The following MYRIP variants were observed in gnomAD, a reference collection of about 807,000 sequenced individuals.
MYRIP encodes myosin VIIA and Rab interacting protein.
MYRIP carries 49 observed loss-of-function variants against 98.0 expected under a neutral mutation model. That is an observed-to-expected ratio of 0.50 (90% CI 0.40 to 0.63). The LOEUF (loss-of-function observed/expected upper bound fraction) is 0.63, where lower values mean the gene tolerates loss of function less well. MYRIP is among the 30% of genes least tolerant of loss of function. The pLI, the probability that MYRIP is intolerant of heterozygous loss-of-function variation, is 0.00. For synonymous variants in MYRIP, 404 were observed against 409.5 expected, an observed-to-expected ratio of 0.99 and a Z score of 0.16; for missense variants, 1,004 against 1,058.2, an observed-to-expected ratio of 0.95 and a Z score of 0.71.
intron 3 of MYRIP, among the ~76,000 whole-genome samples, chr3:40,064,775 A>G (rs756664412): frequency 6.6e-5 from 10 of 152,146 alleles, no homozygotes; most frequent in Non-Finnish European, 1.3e-4. Flanking sequence ...AAGTGATAAA[A>G]TGAGCTTGTG....
chr3:40,251,308 A>G (rs1034742489), intron 15 of MYRIP, among the ~76,000 whole-genome samples: 3 of 152,280 alleles, frequency 2.0e-5, no homozygotes, highest in African/African-American at 7.2e-5. Flanking sequence ...GTTAAAATTT[A>G]TCACAGATTC....
intron 2 of MYRIP, among the ~76,000 whole-genome samples, chr3:39,942,766 C>A (rs182050308): frequency 1.3e-5 from 2 of 152,154 alleles, no homozygotes; most frequent in Admixed American, 6.6e-5. Flanking sequence ...TTTCTGTCTA[C>A]CTGTATATTT....
intron 1 of MYRIP, among the ~76,000 whole-genome samples, chr3:39,883,922 A>G (rs1414961338): frequency 1.3e-5 from 2 of 152,120 alleles, no homozygotes; most frequent in Non-Finnish European, 2.9e-5. Flanking sequence ...TTCGAAGACA[A>G]GGTACCTGAG....
At chr3:39,887,277 G>C (rs1288376271) in intron 1 of MYRIP, among the ~76,000 whole-genome samples, 5 of 151,708 alleles carry the variant, frequency 3.3e-5, no homozygotes, top group South Asian at 2.1e-4. Context: ...ACAATTAAAA[G>C]AACTAGAAAA....
intron 2 of MYRIP, among the ~76,000 whole-genome samples, chr3:40,011,914 A>C (rs1286378495): frequency 2.0e-5 from 3 of 152,224 alleles, no homozygotes; most frequent in Admixed American, 2.0e-4. Context: ...CTGATTTCCA[A>C]TATGTAAAAG....
At chr3:40,058,810 T>A (rs183909506) in intron 3 of MYRIP, among the ~76,000 whole-genome samples, 268 of 152,250 alleles carry the variant, frequency 1.8e-3, no homozygotes, top group African/African-American at 6.0e-3. Flanking sequence ...ATACTTTAAG[T>A]TCTGGGATAC....
At chr3:40,178,125 T>C (rs1442784357) in intron 8 of MYRIP, among the ~76,000 whole-genome samples, 1 of 152,176 alleles carries the variant, frequency 6.6e-6, no homozygotes. Flanking sequence ...TCTTTCCCTG[T>C]TTTTTACTGT....
chr3:39,917,011 A>G (rs1944179082), intron 2 of MYRIP, among the ~76,000 whole-genome samples: 1 of 152,180 alleles, frequency 6.6e-6, no homozygotes, highest in Non-Finnish European at 1.5e-5. Flanking sequence ...CTAACCATTT[A>G]AAGCCAAAAC....
At chr3:40,003,906 C>A (rs991397467) in intron 2 of MYRIP, among the ~76,000 whole-genome samples, 1 of 152,204 alleles carries the variant, frequency 6.6e-6, no homozygotes, top group Non-Finnish European at 1.5e-5. Flanking sequence ...TCCTACACAG[C>A]AGATTCAGCC....
intron 12 of MYRIP, 59 bp downstream of exon 12, chr3:40,234,112 A>C: frequency 7.9e-6 from 12 of 1,512,790 alleles, no homozygotes; most frequent in Admixed American, 2.2e-5. Context: ...GAAGCTGATG[A>C]AATTGTAGCT....
intron 1 of MYRIP, among the ~76,000 whole-genome samples, chr3:39,862,535 CAAA>C (rs111367780): frequency 4.6e-5 from 7 of 152,062 alleles, no homozygotes; most frequent in Admixed American, 4.6e-4. Context: ...CCACTAAAGA[CAAA>C]AAAGTCAAAG....
chr3:40,250,910 G>A (rs1163920562), intron 15 of MYRIP, among the ~76,000 whole-genome samples: 4 of 152,228 alleles, frequency 2.6e-5, no homozygotes, highest in African/African-American at 9.6e-5. Context: ...CTCTGGCTGA[G>A]AGTTACTTCT....
At chr3:39,960,368 G>A (rs1049073905) in intron 2 of MYRIP, among the ~76,000 whole-genome samples, 1 of 152,114 alleles carries the variant, frequency 6.6e-6, no homozygotes, top group Admixed American at 6.6e-5. Context: ...AAAAACACAT[G>A]AGTCCTATTA....
intron 1 of MYRIP, among the ~76,000 whole-genome samples, chr3:39,820,897 T>C (rs1314760710): frequency 6.6e-6 from 1 of 152,088 alleles, no homozygotes; most frequent in East Asian, 1.9e-4. Context: ...AGGTTCCAAG[T>C]ACCTGATGCA....
chr3:40,078,071 C>T (rs912724075), intron 3 of MYRIP, among the ~76,000 whole-genome samples: 15 of 152,358 alleles, frequency 9.8e-5, no homozygotes, highest in Admixed American at 8.5e-4. Context: ...AGCCCTGCCC[C>T]GCGGGAAGGC....
intron 1 of MYRIP, among the ~76,000 whole-genome samples, chr3:39,898,052 AGTCT>A (rs1359579022): frequency 6.6e-6 from 1 of 152,094 alleles, no homozygotes; most frequent in Non-Finnish European, 1.5e-5. Context: ...TGGGCCCTCT[AGTCT>A]GTCTCTTTAT....
chr3:40,212,320 G>A (rs1213728235), intron 11 of MYRIP, among the ~76,000 whole-genome samples: 1 of 146,276 alleles, frequency 6.8e-6, no homozygotes, highest in Non-Finnish European at 1.5e-5. Context: ...AGGGTTCAGG[G>A]GCTCAGCCAC....
chr3:40,151,737 T>C (rs2125575270), intron 4 of MYRIP, among the ~76,000 whole-genome samples: 1 of 152,332 alleles, frequency 6.6e-6, no homozygotes, highest in South Asian at 2.1e-4. Flanking sequence ...GGAAATTATA[T>C]TCTTTAGTCC....
At chr3:40,043,865 G>A (rs1176846702) in intron 2 of MYRIP, among the ~76,000 whole-genome samples, 185 bp from the exon 3 acceptor site, 2 of 152,158 alleles carry the variant, frequency 1.3e-5, no homozygotes, top group Admixed American at 6.5e-5. Context: ...ACTAATCTAC[G>A]ATTAATGTTC....
Sources: gnomAD v4.1 joint callset for allele counts (sites outside exome capture counted in the v4.1 genomes callset) on GRCh38, gnomAD v4.1.1 for gene constraint, MANE v1.5 for transcripts, NCBI Gene and HGNC (gene_info 2026-07-23, HGNC 2026-07-21) for gene names.